Variants in PDLIM1 observed in about 807,000 individuals in gnomAD.
PDLIM1 encodes the protein PDZ and LIM domain protein 1.
PDLIM1 carries 25 observed loss-of-function variants against 35.2 expected under a neutral mutation model. The ratio of observed to expected loss-of-function variants is 0.71; its 90% CI spans 0.52 to 0.99. The LOEUF is 0.99. Ranked by LOEUF, PDLIM1 falls within the 50% of genes least tolerant of loss-of-function variation. PDLIM1 has a pLI of 0.00. For synonymous variants in PDLIM1, 152 were observed against 154.0 expected (o/e 0.99, Z 0.10); for missense variants, 363 against 415.3 (o/e 0.87, Z 1.09).
intron 4 of PDLIM1, among the ~76,000 whole-genome samples, chr10:95,252,520 CAGA>C (rs1589508730): frequency 6.6e-6 from 1 of 152,164 alleles, no homozygotes; most frequent in African/African-American, 2.4e-5. Context: ...TCACATCTCT[CAGA>C]AGAACCAGGA....
chr10:95,275,986 G>T (rs750994035), intron 1 of PDLIM1, among the ~76,000 whole-genome samples: 37 of 152,058 alleles, frequency 2.4e-4, no homozygotes, highest in Non-Finnish European at 5.0e-4. Flanking sequence ...TACACATACA[G>T]ATTAAGTTCA....
chr10:95,256,427 C>T (rs919100669), intron 4 of PDLIM1, among the ~76,000 whole-genome samples: 11 of 152,098 alleles, frequency 7.2e-5, no homozygotes, highest in African/African-American at 1.7e-4. Context: ...AGGCCTCATA[C>T]GTCCTTATTT....
intron 4 of PDLIM1, among the ~76,000 whole-genome samples, chr10:95,259,727 C>G (rs2035345202): frequency 6.6e-6 from 1 of 152,306 alleles, no homozygotes; most frequent in South Asian, 2.1e-4. Context: ...TAACATCATC[C>G]TTGTGATAAT....
At chr10:95,239,212 A>C (rs1757638211) in intron 5 of PDLIM1, among the ~76,000 whole-genome samples, 1 of 152,370 alleles carries the variant, frequency 6.6e-6, no homozygotes, top group South Asian at 2.1e-4. Flanking sequence ...GATGGATTAA[A>C]GACTTAAATG....
chr10:95,251,390 C>T (rs1276165191), intron 4 of PDLIM1, among the ~76,000 whole-genome samples: 1 of 152,036 alleles, frequency 6.6e-6, no homozygotes, highest in Non-Finnish European at 1.5e-5. Flanking sequence ...CTAGGCAACA[C>T]GGTGAAACTC....
At chr10:95,246,331 G>A (rs1414247348) in intron 5 of PDLIM1, among the ~76,000 whole-genome samples, 3 of 152,318 alleles carry the variant, frequency 2.0e-5, no homozygotes, top group East Asian at 1.9e-4. Context: ...ATTTCTCGAC[G>A]TATAGCATTG....
chr10:95,290,660 C>G lies in PDLIM1; in HGVS notation c.96+160G>C, dbSNP rs558725389. 3.2e-3 allele frequency among the ~76,000 whole-genome samples: 480 copies of G among 151,870 alleles called. 1 individual carries two copies. Among genetic ancestry groups the G allele is most frequent in the Non-Finnish European group, 5.3e-3 (362 of 67,866 alleles). On this transcript the variant is annotated intron_variant, in intron 1 of 6. Transcript: ENST00000329399. The surrounding 1 kb of genome is among the most constrained non-coding windows in gnomAD (Gnocchi z 4.7). ...GCCTCCGCGAAGGGGCGGCGGGGAG[C>G]GGCGGGGCCCGGGCGCGCGGAGAGC...
chr10:95,272,220 C>G (rs1282171455), intron 1 of PDLIM1, among the ~76,000 whole-genome samples: 1 of 152,122 alleles, frequency 6.6e-6, no homozygotes, highest in Non-Finnish European at 1.5e-5. Flanking sequence ...AAAAAACACA[C>G]ACACACACAT....
At chr10:95,256,974 TAA>T (rs1186043233) in intron 4 of PDLIM1, among the ~76,000 whole-genome samples, 68 of 17,334 alleles carry the variant, frequency 3.9e-3, no homozygotes, top group African/African-American at 5.6e-3. Context: ...GACTTCATCT[TAA>T]AAAAAAAAAA....
intron 5 of PDLIM1, among the ~76,000 whole-genome samples, chr10:95,240,650 A>C (rs2035170486): frequency 2.0e-5 from 3 of 152,240 alleles, no homozygotes; most frequent in Admixed American, 2.0e-4. Flanking sequence ...CCTGAACTTA[A>C]ATGTTGGAAA....
chr10:95,248,789 G>A (rs532669101), intron 4 of PDLIM1, among the ~76,000 whole-genome samples: 8 of 152,126 alleles, frequency 5.3e-5, no homozygotes, highest in Admixed American at 1.3e-4. Flanking sequence ...CAGGCTTCCC[G>A]CTGTGCCTGG....
chr10:95,285,068 G>C (rs1416541687), intron 1 of PDLIM1, among the ~76,000 whole-genome samples: 1 of 152,116 alleles, frequency 6.6e-6, no homozygotes, highest in Non-Finnish European at 1.5e-5. Context: ...TCTACCACAA[G>C]AACCATTCCC....
intron 5 of PDLIM1, 165 bp from the exon 6 acceptor site, chr10:95,238,850 G>A (rs2035150011): frequency 1.9e-6 from 1 of 538,898 alleles, no homozygotes; most frequent in African/African-American, 1.9e-5. Context: ...CTGGTCCCCA[G>A]TTTATTTTTC....
intron 1 of PDLIM1, among the ~76,000 whole-genome samples, chr10:95,275,522 T>C (rs981806863): frequency 2.0e-5 from 3 of 152,216 alleles, no homozygotes; most frequent in African/African-American, 7.2e-5. Context: ...TGTTGTTAAA[T>C]ATGTAATCAG....
At chr10:95,281,204 C>G (rs1377178464) in intron 1 of PDLIM1, among the ~76,000 whole-genome samples, 2 of 152,034 alleles carry the variant, frequency 1.3e-5, no homozygotes, top group Non-Finnish European at 2.9e-5. Context: ...ACTTATACTC[C>G]TATAAAATAC....
chr10:95,280,077 T>TA (rs1212356105), intron 1 of PDLIM1, among the ~76,000 whole-genome samples: 6 of 152,156 alleles, frequency 3.9e-5, no homozygotes, highest in African/African-American at 1.2e-4. Flanking sequence ...ATTTTCTTTT[T>TA]AAAAAAACAA....
At chr10:95,268,272 C>A (rs2035431856) in intron 3 of PDLIM1, among the ~76,000 whole-genome samples, 1 of 152,286 alleles carries the variant, frequency 6.6e-6, no homozygotes, top group African/African-American at 2.4e-5. Context: ...TAAAGTCTCA[C>A]TAGAAGTTTC....
At chr10:95,251,973 G>A (rs376292985) in intron 4 of PDLIM1, among the ~76,000 whole-genome samples, 70 of 152,294 alleles carry the variant, frequency 4.6e-4, no homozygotes, top group African/African-American at 1.6e-3. Context: ...GTCTCAAGAG[G>A]AGCCTGCTGT....
intron 4 of PDLIM1, among the ~76,000 whole-genome samples, chr10:95,254,873 C>A (rs45561833): frequency 6.6e-6 from 1 of 152,024 alleles, no homozygotes; most frequent in Non-Finnish European, 1.5e-5. Context: ...TGAGCCACTG[C>A]ACTCCAACCT....
Sources: gnomAD v4.1 joint callset for allele counts (sites outside exome capture counted in the v4.1 genomes callset) on GRCh38, gnomAD v4.1.1 for gene constraint, Gnocchi (gnomAD v3.1) non-coding constraint, MANE v1.5 for transcripts, NCBI Gene and HGNC (gene_info 2026-07-23, HGNC 2026-07-21) for gene names.